Variants in MAGI1 observed in about 807,000 individuals in gnomAD.
MAGI1 encodes membrane associated guanylate kinase, WW and PDZ domain containing 1.
A neutral mutation model predicts 139.9 loss-of-function variants in MAGI1; 58 were observed. The observed-to-expected ratio is 0.41, with a 90% confidence interval of 0.34 to 0.52. The LOEUF is 0.52. MAGI1 is among the 20% of genes least tolerant of loss of function. MAGI1 has a pLI of 0.12. For missense variants in MAGI1, 1,874 were observed against 1,901.6 expected (o/e 0.99, Z 0.27); for synonymous variants, 812 against 737.9 (o/e 1.10, Z -1.63).
At chr3:65,620,314 A>C (rs1022270561) in intron 2 of MAGI1, among the ~76,000 whole-genome samples, 1 of 152,194 alleles carries the variant, frequency 6.6e-6, no homozygotes, top group East Asian at 1.9e-4. Context: ...CCTAGATGAC[A>C]TAAGAGTGAA....
intron 1 of MAGI1, among the ~76,000 whole-genome samples, chr3:65,866,776 T>C (rs2059743347): frequency 6.7e-6 from 1 of 149,856 alleles, no homozygotes; most frequent in South Asian, 2.2e-4. Flanking sequence ...GCCATGTTCA[T>C]CAAATCAGCT....
chr3:65,432,149 C>T (rs1377498797), intron 10 of MAGI1, among the ~76,000 whole-genome samples: 2 of 152,142 alleles, frequency 1.3e-5, no homozygotes, highest in Non-Finnish European at 2.9e-5. Context: ...TTACTAGGCA[C>T]TTCTCTGTAA....
chr3:65,512,392 G>A (rs62255318), intron 2 of MAGI1, among the ~76,000 whole-genome samples: 6 of 146,392 alleles, frequency 4.1e-5, no homozygotes, highest in South Asian at 2.3e-4. Context: ...GGATCAACAA[G>A]ATTGATAGAC....
chr3:65,477,996 C>A (rs764250319), intron 4 of MAGI1, among the ~76,000 whole-genome samples: 1 of 151,744 alleles, frequency 6.6e-6, no homozygotes, highest in Non-Finnish European at 1.5e-5. Context: ...AATACATAGG[C>A]TATATAATAT....
At position 65,823,769 on chromosome 3, in the gene MAGI1, C is replaced by T. The variant is rs1373745636; in HGVS notation, c.314-201681G>A. Among the ~76,000 whole-genome samples the T allele has an allele frequency of 2.6e-5, 4 of 152,176 alleles. No individual in the cohort carries two copies. In the South Asian group the frequency reaches 6.2e-4, roughly 24 times the overall value. ...TATTTATTGAGCCTGTACAATGTGC[C>T]AGAGCTGACCTATAAGCACTGAGGA... On this transcript the variant is annotated intron_variant, in intron 1 of 22. Coordinates refer to ENST00000402939, the MANE Select transcript of MAGI1 (RefSeq NM_001033057.2).
intron 1 of MAGI1, chr3:65,844,026 A>G (rs184886325): frequency 5.6e-6 from 2 of 357,086 alleles, no homozygotes; most frequent in Admixed American, 3.3e-5. Context: ...AAAGCCACCA[A>G]GTATCTAAAA....
At chr3:65,479,641 T>C (rs906142504) in intron 3 of MAGI1, among the ~76,000 whole-genome samples, 2 of 152,170 alleles carry the variant, frequency 1.3e-5, no homozygotes, top group African/African-American at 2.4e-5. Context: ...AGCAATACTT[T>C]AAAAAATTGA....
intron 1 of MAGI1, among the ~76,000 whole-genome samples, chr3:65,685,801 G>A (rs1241938842): frequency 6.6e-6 from 1 of 152,172 alleles, no homozygotes; most frequent in East Asian, 1.9e-4. Flanking sequence ...AAGAATGCCA[G>A]TGGTCTCTGA....
At chr3:65,829,416 C>A (rs2042405376) in intron 1 of MAGI1, among the ~76,000 whole-genome samples, 2 of 152,124 alleles carry the variant, frequency 1.3e-5, no homozygotes, top group Non-Finnish European at 2.9e-5. Flanking sequence ...GCTCCGCTCT[C>A]ACGAATATGA....
intron 1 of MAGI1, among the ~76,000 whole-genome samples, chr3:65,769,161 T>A (rs529333268): frequency 6.6e-6 from 1 of 152,230 alleles, no homozygotes; most frequent in African/African-American, 2.4e-5. Context: ...AAGTTGTCGA[T>A]CTGTTTTTTT....
intron 12 of MAGI1, among the ~76,000 whole-genome samples, chr3:65,422,098 G>A (rs566980976): frequency 1.3e-5 from 2 of 152,204 alleles, no homozygotes; most frequent in Non-Finnish European, 2.9e-5. Flanking sequence ...ACTGTGCTGC[G>A]TAACAGTACT....
chr3:65,648,688 G>A (rs1479980818), intron 1 of MAGI1, among the ~76,000 whole-genome samples: 1 of 152,062 alleles, frequency 6.6e-6, no homozygotes, highest in Non-Finnish European at 1.5e-5. Context: ...TCCCATGAAT[G>A]TTTTTTGTAG....
intron 2 of MAGI1, among the ~76,000 whole-genome samples, chr3:65,615,385 A>G (rs529937782): frequency 1.3e-5 from 2 of 152,330 alleles, no homozygotes; most frequent in South Asian, 4.1e-4. Context: ...AGAGTCCCCA[A>G]GAGAAGAGGA....
chr3:65,361,676 C>T (rs963251228), intron 21 of MAGI1, among the ~76,000 whole-genome samples: 10 of 152,198 alleles, frequency 6.6e-5, no homozygotes, highest in African/African-American at 9.7e-5. Context: ...ATGTGAGCTA[C>T]GTCAAGTGAC....
At chr3:65,849,949 A>G (rs930287610) in intron 1 of MAGI1, among the ~76,000 whole-genome samples, 3 of 152,232 alleles carry the variant, frequency 2.0e-5, no homozygotes, top group African/African-American at 7.2e-5. Context: ...AAATGCAGAT[A>G]AATTAGTCAC....
At chr3:65,624,016 T>C (rs1209105089) in intron 1 of MAGI1, among the ~76,000 whole-genome samples, 1 of 152,046 alleles carries the variant, frequency 6.6e-6, no homozygotes, top group Non-Finnish European at 1.5e-5. Flanking sequence ...ATTAAGCATA[T>C]AAAAAGATGT....
chr3:66,036,324 G>A (rs1185369244), intron 1 of MAGI1, among the ~76,000 whole-genome samples: 1 of 152,202 alleles, frequency 6.6e-6, no homozygotes, highest in Non-Finnish European at 1.5e-5. Flanking sequence ...AAGACGCATT[G>A]TCAGGCCAGG....
intron 12 of MAGI1, among the ~76,000 whole-genome samples, chr3:65,408,792 G>A (rs896393207): frequency 6.6e-6 from 1 of 152,204 alleles, no homozygotes; most frequent in Non-Finnish European, 1.5e-5. Flanking sequence ...AGTTTCCACT[G>A]AGGGTAGGAA....
chr3:65,624,663 A>C (rs2083870438), intron 1 of MAGI1, among the ~76,000 whole-genome samples: 2 of 152,320 alleles, frequency 1.3e-5, no homozygotes, highest in South Asian at 4.1e-4. Flanking sequence ...TGCAAAGGGC[A>C]TAAGGGAATA....
Sources: allele counts gnomAD v4.1 joint callset (sites outside exome capture counted in the v4.1 genomes callset), GRCh38; gene constraint gnomAD v4.1.1; transcripts MANE v1.5; gene names NCBI Gene and HGNC (gene_info 2026-07-23, HGNC 2026-07-21).